The following GAS7 variants were observed in gnomAD, a reference collection of about 807,000 sequenced individuals.
GAS7 encodes the protein growth arrest-specific protein 7.
Under a neutral mutation model 71.1 loss-of-function variants are expected in GAS7, and 28 were observed. The ratio of observed to expected loss-of-function variants is 0.39; its 90% CI spans 0.29 to 0.54. The LOEUF is 0.54. Ranked by LOEUF, GAS7 falls within the 20% of genes least tolerant of loss-of-function variation. The pLI is 0.62. For missense variants in GAS7, 436 were observed against 627.8 expected, an observed-to-expected ratio of 0.69 and a Z score of 3.27; for synonymous variants, 258 against 245.8, an observed-to-expected ratio of 1.05 and a Z score of -0.46.
intron 1 of GAS7, among the ~76,000 whole-genome samples, chr17:10,132,639 G>A (rs996364578): frequency 6.6e-6 from 1 of 152,030 alleles, no homozygotes; most frequent in Admixed American, 6.6e-5. Context: ...ATGGTGGTGC[G>A]CGCCTGTAGT....
intron 1 of GAS7, among the ~76,000 whole-genome samples, chr17:10,159,349 C>T (rs1365211455): frequency 2.0e-5 from 3 of 151,868 alleles, no homozygotes; most frequent in African/African-American, 7.3e-5. Flanking sequence ...CCACCAAAAA[C>T]ATGTACGAGA....
At chr17:10,048,990 G>A (rs925375075) in intron 1 of GAS7, among the ~76,000 whole-genome samples, 1 of 152,186 alleles carries the variant, frequency 6.6e-6, no homozygotes, top group Admixed American at 6.5e-5. Context: ...CCCAGAACCA[G>A]GATACGAGTT....
intron 1 of GAS7, among the ~76,000 whole-genome samples, chr17:10,048,731 G>A (rs2073017907): frequency 6.6e-6 from 1 of 152,202 alleles, no homozygotes; most frequent in African/African-American, 2.4e-5. Context: ...GGTTCTGTTA[G>A]AGGCATGCAA....
In GAS7 at chr17:9,914,338, T is replaced by C. The variant is rs139892153; in HGVS notation, c.*2890A>G. On this transcript the variant is annotated 3_prime_UTR_variant, in exon 14 of 14. Coordinates refer to ENST00000432992, the MANE Select transcript of GAS7 (RefSeq NM_201433.2). ...GCCTCCCAGGTTCAAGCGATTCTAC[T>C]GCCTCAGCCTGCCGAATAGTTGGGA... 2,406 of 183,742 alleles carry C rather than the reference T, an allele frequency of 0.013. 61 individuals are homozygous for C. Among genetic ancestry groups the C allele is most frequent in the African/African-American group, 0.053 (2,268 of 42,626 alleles). The allele number at this position is 183,742 out of a possible 1,614,324, so 11.4% of individuals were successfully genotyped here.
At chr17:10,062,937 T>G (rs1245341998) in intron 1 of GAS7, among the ~76,000 whole-genome samples, 1 of 152,214 alleles carries the variant, frequency 6.6e-6, no homozygotes, top group Non-Finnish European at 1.5e-5. Context: ...CTGCAGTACT[T>G]GGGGCAGCCC....
In GAS7 at chr17:10,146,960, T is replaced by TAAAAAAAAAAAAAAAAAA. The variant is rs1252230604; in HGVS notation, c.183+51247_183+51248insTTTTTTTTTTTTTTTTTT. ...CGCGCCAGAGCGAGACTCCGTCTCA[T>TAAAAAAAAAAAAAAAAAA]AAAAAAAACGATCTCTGTCTTCCTG... On this transcript the variant is annotated intron_variant, in intron 1 of 13. Transcript: ENST00000432992. 1.6e-3 allele frequency among the ~76,000 whole-genome samples: 232 copies of TAAAAAAAAAAAAAAAAAA among 144,756 alleles called. 1 individual carries two copies. The highest frequency in any genetic ancestry group is 5.3e-3 in the African/African-American group (213 of 40,568). The allele number at this position is 144,756 out of a possible 152,430, so 95.0% of individuals were successfully genotyped here.
At chr17:9,922,351 G>A (rs1024658791) in intron 11 of GAS7, among the ~76,000 whole-genome samples, 11 of 152,220 alleles carry the variant, frequency 7.2e-5, no homozygotes, top group Admixed American at 4.6e-4. Flanking sequence ...GCAAAATGGC[G>A]ACAAGCAGAG....
chr17:10,044,126 T>C (rs970040203), intron 1 of GAS7, among the ~76,000 whole-genome samples: 2 of 152,238 alleles, frequency 1.3e-5, no homozygotes, highest in African/African-American at 2.4e-5. Context: ...GACTTTTCTC[T>C]GCTTCTGGGG....
At chr17:9,960,186 C>A (rs2069424804) in intron 4 of GAS7, among the ~76,000 whole-genome samples, 1 of 151,396 alleles carries the variant, frequency 6.6e-6, no homozygotes, top group African/African-American at 2.4e-5. Flanking sequence ...TGTGCATGAC[C>A]TTATTCTTTT....
At chr17:10,177,134 C>T (rs536461435) in intron 1 of GAS7, among the ~76,000 whole-genome samples, 3 of 152,248 alleles carry the variant, frequency 2.0e-5, no homozygotes, top group Admixed American at 2.0e-4. Flanking sequence ...AGGAGATCCC[C>T]ATGCAAGCCA....
intron 1 of GAS7, among the ~76,000 whole-genome samples, chr17:10,059,029 G>T (rs778163894): frequency 3.9e-5 from 6 of 152,194 alleles, no homozygotes; most frequent in Non-Finnish European, 8.8e-5. Context: ...CCCTTTCACT[G>T]TTGTGTACAC....
intron 1 of GAS7, among the ~76,000 whole-genome samples, chr17:10,062,329 A>G (rs1342979691): frequency 6.6e-6 from 1 of 152,200 alleles, no homozygotes; most frequent in Non-Finnish European, 1.5e-5. Context: ...TACTAAAAAT[A>G]CACAAATTAG....
chr17:9,942,357 T>C (rs575003616), intron 7 of GAS7, among the ~76,000 whole-genome samples: 7 of 150,210 alleles, frequency 4.7e-5, no homozygotes, highest in African/African-American at 1.5e-4. Context: ...ACATGGGTGA[T>C]AGGTGGGTAT....
Position 10,148,060 on chromosome 17 carries a change from G to A in GAS7, c.183+50148C>T, listed in dbSNP as rs532477132. On this transcript the variant is annotated intron_variant, in intron 1 of 13. Coordinates refer to ENST00000432992, the MANE Select transcript of GAS7 (RefSeq NM_201433.2). ...TGTGAGAGCCGATCATGTATCTCAT[G>A]TGAGAGCACCTGAAAAATCATAAAG... 2.0e-5 allele frequency among the ~76,000 whole-genome samples: 3 copies of A among 152,308 alleles called. 1 individual carries two copies. Among genetic ancestry groups the A allele is most frequent in the African/African-American group, 7.2e-5 (3 of 41,568 alleles).
chr17:10,141,901 C>T (rs2074083992), intron 1 of GAS7, among the ~76,000 whole-genome samples: 1 of 152,172 alleles, frequency 6.6e-6, no homozygotes, highest in Non-Finnish European at 1.5e-5. Context: ...TCAGTAGGCA[C>T]TGCCTAAAAA....
intron 1 of GAS7, among the ~76,000 whole-genome samples, chr17:10,125,167 C>G (rs1315348631): frequency 6.6e-6 from 1 of 150,850 alleles, no homozygotes; most frequent in African/African-American, 2.4e-5. Context: ...AACACTAAAA[C>G]AAACCTGTAA....
At chr17:9,937,791 G>C (rs961677814) in intron 8 of GAS7, among the ~76,000 whole-genome samples, 7 of 152,170 alleles carry the variant, frequency 4.6e-5, no homozygotes, top group Non-Finnish European at 8.8e-5. Context: ...TTCCTTCCTC[G>C]GGGGTTCACT....
chr17:10,033,849 C>A (rs954508859), intron 1 of GAS7, among the ~76,000 whole-genome samples: 6 of 152,232 alleles, frequency 3.9e-5, no homozygotes, highest in African/African-American at 1.4e-4. Flanking sequence ...ATTCCACTGA[C>A]TGCAGTGCCT....
rs1179040310 is a variant in GAS7 at position 10,103,819 on chromosome 17, G to T, written c.184-83922C>A. On this transcript the variant is annotated intron_variant, in intron 1 of 13. Coordinates refer to ENST00000432992, the MANE Select transcript of GAS7 (RefSeq NM_201433.2). The surrounding 1 kb of genome is among the most constrained non-coding windows in gnomAD (Gnocchi z 5.5). Reference sequence around the variant, plus strand: ...CCAGCCTGGGTGACACAGCAAGACTGCATCTCAAAAAATCTCAAAAAAAAA... The same window carrying T: ...CCAGCCTGGGTGACACAGCAAGACTTCATCTCAAAAAATCTCAAAAAAAAA... 6.7e-6 allele frequency among the ~76,000 whole-genome samples: 1 copy of T among 148,300 alleles called. No homozygotes were observed. Among genetic ancestry groups the T allele is most frequent in the Non-Finnish European group, 1.5e-5 (1 of 67,382 alleles).
Sources: allele counts gnomAD v4.1 joint callset (sites outside exome capture counted in the v4.1 genomes callset), GRCh38; gene constraint gnomAD v4.1.1; non-coding constraint Gnocchi (gnomAD v3.1); transcripts MANE v1.5; gene names NCBI Gene and HGNC (gene_info 2026-07-23, HGNC 2026-07-21).